Variants in GLIPR1 observed in about 807,000 individuals in gnomAD.
The protein encoded by GLIPR1 is glioma pathogenesis-related protein 1.
GLIPR1 carries 38 observed loss-of-function variants against 30.3 expected under a neutral mutation model. The observed-to-expected ratio is 1.26, with a 90% CI of 0.97 to 1.65. The LOEUF is 1.65. Among genes scored for constraint, GLIPR1 ranks in the 40% most tolerant of loss-of-function variants. GLIPR1 has a pLI of 0.00. For synonymous variants in GLIPR1, 122 were observed against 110.6 expected, an observed-to-expected ratio of 1.10 and a Z score of -0.65; for missense variants, 285 against 326.5, an observed-to-expected ratio of 0.87 and a Z score of 0.98.
rs556050597 is a variant in GLIPR1, at chr12:75,488,638, T to A, written c.421-1768T>A. 2.6e-5 allele frequency among the ~76,000 whole-genome samples: 4 copies of A among 152,288 alleles called. No homozygotes were observed. The South Asian group carries it at 8.3e-4, about 32-fold the overall frequency. On this transcript the variant is annotated intron_variant, in intron 2 of 5. Transcript: ENST00000266659. ...CCTGATACAGGGAGTAAATTTCATT[T>A]ATTTTTAAAGTAAACTTCTTCATTT...
chr12:75,500,165 A>ATACTT lies in GLIPR1; in HGVS notation c.*1190_*1194dup. On this transcript the variant is annotated 3_prime_UTR_variant, in exon 6 of 6. Transcript: ENST00000266659. ...AGATTAAGATAAAACAAATCATAAA[A>ATACTT]TACTTTATATATTAGTACAAGTATA... is the stretch of plus-strand genomic sequence containing the variant. 1 of 354,920 alleles carries ATACTT rather than the reference A, an allele frequency of 2.8e-6. No homozygotes were observed. Among genetic ancestry groups the ATACTT allele is most frequent in the South Asian group, 6.1e-5 (1 of 16,314 alleles). The allele number at this position is 354,920 out of a possible 1,614,324, so 22.0% of individuals were successfully genotyped here. A position where few individuals can be genotyped will look rare whatever the true frequency, so the allele number is the denominator to read the frequency against.
At chr12:75,486,616 A>G (rs2120510453) in intron 2 of GLIPR1, among the ~76,000 whole-genome samples, 1 of 152,364 alleles carries the variant, frequency 6.6e-6, no homozygotes, top group South Asian at 2.1e-4. Context: ...TGACTTGGAT[A>G]GATAAACTGT....
At chr12:75,488,787 C>T (rs1368172698) in intron 2 of GLIPR1, among the ~76,000 whole-genome samples, 2 of 152,182 alleles carry the variant, frequency 1.3e-5, no homozygotes, top group Non-Finnish European at 2.9e-5. Flanking sequence ...AGCTCCACCT[C>T]ATTTCTTCAG....
rs777460574 is a variant in GLIPR1 at position 75,502,172 on chromosome 12, A to G, written c.*3194A>G. 4 of 575,892 alleles carry G rather than the reference A, an allele frequency of 6.9e-6. No individual in the cohort carries two copies. Among genetic ancestry groups the G allele is most frequent in the East Asian group, 2.9e-5 (1 of 34,346 alleles). The allele number at this position is 575,892 out of a possible 1,614,324, so 35.7% of individuals were successfully genotyped here. A position where few individuals can be genotyped will look rare whatever the true frequency, so the allele number is the denominator to read the frequency against. ...CTAAGCTGAGGGGAATACATACACA[A>G]AAGTGTGGAGGTAGGAAAGCACCTC... On this transcript the variant is annotated 3_prime_UTR_variant, in exon 6 of 6. Transcript: ENST00000266659.
chr12:75,498,392 A>G (rs2046364903), intron 4 of GLIPR1: 1 of 218,300 alleles, frequency 4.6e-6, no homozygotes, highest in Non-Finnish European at 8.9e-6. Context: ...TCTAATATTT[A>G]ATTTTTATTT....
intron 1 of GLIPR1, 111 bp downstream of exon 1, chr12:75,481,165 T>A: frequency 1.4e-6 from 1 of 735,826 alleles, no homozygotes; most frequent in Non-Finnish European, 2.2e-6. Context: ...TCATTGTGAT[T>A]AATGTATGCA....
rs1006870682 is a variant in GLIPR1 at position 75,499,648 on chromosome 12, A to G, written c.*670A>G. On this transcript the variant is annotated 3_prime_UTR_variant, in exon 6 of 6. Coordinates refer to ENST00000266659, the MANE Select transcript of GLIPR1 (RefSeq NM_006851.3). ...TCGTATAAATTTTTCAAAAAATACA[A>G]TAATAATATAATTTATAAAGAACAC... The G allele has an allele frequency of 2.6e-6, 1 of 386,910 alleles. No homozygotes were observed. Among genetic ancestry groups the G allele is most frequent in the African/African-American group, 2.1e-5 (1 of 47,406 alleles). The allele number at this position is 386,910 out of a possible 1,614,324, so 24.0% of individuals were successfully genotyped here.
chr12:75,501,816 C>A lies in GLIPR1; in HGVS notation c.*2838C>A. 6.3e-7 allele frequency: 1 copy of A among 1,597,514 alleles called. No individual in the cohort carries two copies. Among genetic ancestry groups the A allele is most frequent in the African/African-American group, 1.3e-5 (1 of 74,280 alleles). ...TTACTGATGGCTTCTGCTTGTTTAG[C>A]CTACATTAATAAATAAAAAATATAT... is the stretch of plus-strand genomic sequence containing the variant. On this transcript the variant is annotated 3_prime_UTR_variant, in exon 6 of 6. Transcript: ENST00000266659.
At chr12:75,498,400 T>C (rs2046365017) in intron 4 of GLIPR1, 1 of 228,736 alleles carries the variant, frequency 4.4e-6, no homozygotes, top group African/African-American at 2.3e-5. Context: ...TTAATTTTTA[T>C]TTTTTAAATT....
chr12:75,492,889 T>A (rs1393671542), intron 3 of GLIPR1: 1 of 152,176 alleles, frequency 6.6e-6, no homozygotes, highest in Non-Finnish European at 1.5e-5. Flanking sequence ...TAATAGAAAC[T>A]ATCAATAGGC....
In GLIPR1 at chr12:75,498,719, A is replaced by ACGTACGTACATCAAT; in HGVS notation, c.646+1_646+15dup. The ACGTACGTACATCAAT allele has an allele frequency of 6.2e-7, 1 of 1,612,752 alleles. No individual in the cohort carries two copies. The highest frequency in any genetic ancestry group is 1.7e-5 in the Admixed American group (1 of 59,964). On this transcript the variant is annotated inframe_insertion and splice_region_variant, in exon 5 of 6. Transcript: ENST00000266659. ...TTAACCGACAGCGAGACCAAGTCAA[A>ACGTACGTACATCAAT]CGTACGTACATCAATCTTAAATTGT... is the stretch of plus-strand genomic sequence containing the variant.
chr12:75,491,874 T>A (rs1398837944), intron 3 of GLIPR1: 1 of 152,184 alleles, frequency 6.6e-6, no homozygotes, highest in Non-Finnish European at 1.5e-5. Flanking sequence ...AATTTTTGGA[T>A]TCCTGGAGAT....
Position 75,503,681 on chromosome 12 carries a change from TG to T in GLIPR1, c.*4705del. On this transcript the variant is annotated 3_prime_UTR_variant, in exon 6 of 6. Transcript: ENST00000266659. ...AGTGGCTACAGGGTCACAAACCTCC[TG>T]GATGCAGTTTATAATCAATGTGAAC... The T allele has an allele frequency of 2.8e-6, 1 of 358,884 alleles. No individual in the cohort carries two copies. Among genetic ancestry groups the T allele is most frequent in the Non-Finnish European group, 5.0e-6 (1 of 199,586 alleles). 22.2% of individuals were successfully genotyped at this position (358,884 alleles called of 1,614,324 possible).
chr12:75,499,134 T>G lies in GLIPR1; in HGVS notation c.*156T>G, dbSNP rs866131402. The G allele has an allele frequency of 5.8e-5, 28 of 483,800 alleles. No individual in the cohort carries two copies. Among genetic ancestry groups the G allele is most frequent in the Middle Eastern group, 1.1e-3 (2 of 1,840 alleles). The allele number at this position is 483,800 out of a possible 1,614,324, so 30.0% of individuals were successfully genotyped here. On this transcript the variant is annotated 3_prime_UTR_variant, in exon 6 of 6. Coordinates refer to ENST00000266659, the MANE Select transcript of GLIPR1 (RefSeq NM_006851.3). ...TACTCAAAAGAAGAAATTTCCTAAC[T>G]CTATCAGATAAACTCATCTTTAGTA...
intron 4 of GLIPR1, 170 bp downstream of exon 4, chr12:75,495,832 T>C (rs1230243676): frequency 2.3e-5 from 10 of 440,636 alleles, no homozygotes; most frequent in Non-Finnish European, 3.7e-5. Context: ...TTAAGAGAAA[T>C]TTAAATGTGA....
rs770606721 is a variant in GLIPR1 at position 75,502,038 on chromosome 12, T to G, written c.*3060T>G. 1 of 1,532,886 alleles carries G rather than the reference T, an allele frequency of 6.5e-7. No homozygotes were observed. The highest frequency in any genetic ancestry group is 9.0e-7 in the Non-Finnish European group (1 of 1,109,170). The allele number at this position is 1,532,886 out of a possible 1,614,324, so 95.0% of individuals were successfully genotyped here. A position where few individuals can be genotyped will look rare whatever the true frequency, so the allele number is the denominator to read the frequency against. The stretch of plus-strand genomic sequence containing the variant: ...GTATTTACAATTACATCAGAAATAA[T>G]GTAGAGGAGAAGTCATGTCCTAAGC... On this transcript the variant is annotated 3_prime_UTR_variant, in exon 6 of 6. Coordinates refer to ENST00000266659, the MANE Select transcript of GLIPR1 (RefSeq NM_006851.3).
Position 75,485,222 on chromosome 12 carries a change from C to A in GLIPR1, c.420+3143C>A, listed in dbSNP as rs931221843. Among the ~76,000 whole-genome samples the A allele has an allele frequency of 2.6e-5, 4 of 152,224 alleles. No individual in the cohort carries two copies. In the East Asian group the frequency reaches 7.7e-4, roughly 29 times the overall value. ...ACAGAATAAAGAAAATAGATTCAGG[C>A]CCATTAACTCCTCACAAAATGTATG... On this transcript the variant is annotated intron_variant, in intron 2 of 5. Transcript: ENST00000266659.
chr12:75,499,059 C>CTTCTATTTTAAAACA lies in GLIPR1; in HGVS notation c.*84_*98dup. 1 of 858,116 alleles carries CTTCTATTTTAAAACA rather than the reference C, an allele frequency of 1.2e-6. No homozygotes were observed. The highest frequency in any genetic ancestry group is 2.7e-5 in the East Asian group (1 of 37,478). The allele number at this position is 858,116 out of a possible 1,614,324, so 53.2% of individuals were successfully genotyped here. A position where few individuals can be genotyped will look rare whatever the true frequency, so the allele number is the denominator to read the frequency against. ...TTTTAACCAATAACAATTAGGTGTACTTCTATTTTAAAACATTTCAGAAAA... is the reference window on the plus strand; with the variant it reads ...TTTTAACCAATAACAATTAGGTGTACTTCTATTTTAAAACATTCTATTTTAAAACATTTCAGAAAA... On this transcript the variant is annotated 3_prime_UTR_variant, in exon 6 of 6. Transcript: ENST00000266659.
At chr12:75,490,727 G>T (rs1206558173) in intron 3 of GLIPR1, 10 of 410,290 alleles carry the variant, frequency 2.4e-5, no homozygotes, top group East Asian at 4.5e-5. Flanking sequence ...AGAGAGAGAG[G>T]GTGTGTGTGT....
Sources: allele counts gnomAD v4.1 joint callset (sites outside exome capture counted in the v4.1 genomes callset), GRCh38; gene constraint gnomAD v4.1.1; transcripts MANE v1.5; gene names NCBI Gene and HGNC (gene_info 2026-07-23, HGNC 2026-07-21).